The following USP9X variants were observed in gnomAD, a reference collection of about 807,000 sequenced individuals.
The protein encoded by USP9X is ubiquitin specific peptidase 9 X-linked.
Under a neutral mutation model 190.3 loss-of-function variants are expected in USP9X, and 7 were observed. The observed-to-expected ratio is 0.04, with a 90% CI of 0.02 to 0.07. USP9X has a LOEUF of 0.07. Ranked by LOEUF, USP9X falls within the 10% of genes least tolerant of loss-of-function variation. USP9X has a pLI of 1.00. For synonymous variants in USP9X, 645 were observed against 659.5 expected, an observed-to-expected ratio of 0.98 and a Z score of 0.34; for missense variants, 1,010 against 1,916.9, an observed-to-expected ratio of 0.53 and a Z score of 8.83.
chrX:41,205,641 T>C (rs1470720459), intron 32 of USP9X, 148 bp downstream of exon 32: 1 of 511,559 alleles, frequency 2.0e-6, no homozygotes. Flanking sequence ...GGGTTTTTTT[T>C]TTTTTTTTTA....
chrX:41,148,249 T>C lies in USP9X; in HGVS notation c.1420-120T>C, dbSNP rs192454257. ...GCTAACTATATTTTCAGATCTCACTTGAATCATTCTGTGCTTAGCTACGTT... is the reference window on the plus strand; with the variant it reads ...GCTAACTATATTTTCAGATCTCACTCGAATCATTCTGTGCTTAGCTACGTT... On this transcript the variant is annotated intron_variant, in intron 11 of 44. Coordinates refer to ENST00000378308, the MANE Select transcript of USP9X (RefSeq NM_001039591.3). 6.1e-4 allele frequency: 432 copies of C among 711,072 alleles called. No individual in the cohort carries two copies. In the African/African-American group the frequency reaches 8.0e-3, roughly 13 times the overall value. The allele number at this position is 711,072 out of a possible 1,213,427, so 58.6% of individuals were successfully genotyped here.
intron 13 of USP9X, among the ~76,000 whole-genome samples, chrX:41,152,245 C>T (rs912242943): frequency 9.0e-6 from 1 of 111,633 alleles, no homozygotes; most frequent in Non-Finnish European, 1.9e-5. Flanking sequence ...ATTTGAGGAG[C>T]ATATTTTGAG....
intron 6 of USP9X, among the ~76,000 whole-genome samples, chrX:41,137,360 C>T (rs2062384156): frequency 9.0e-6 from 1 of 111,179 alleles, no homozygotes; most frequent in African/African-American, 3.3e-5. Context: ...TTTAGGCATT[C>T]TAAGATTTTG....
chrX:41,171,072 A>G, intron 20 of USP9X, among the ~76,000 whole-genome samples: 1 of 112,044 alleles, frequency 8.9e-6, no homozygotes, highest in Non-Finnish European at 1.9e-5. Flanking sequence ...GATTGGGAAA[A>G]AAGTCTGCAT....
At chrX:41,205,883 T>C (rs1048663221) in intron 32 of USP9X, among the ~76,000 whole-genome samples, 1 of 99,283 alleles carries the variant, frequency 1.0e-5, no homozygotes, top group Admixed American at 1.2e-4. Flanking sequence ...TTCTTTTTCT[T>C]TTTCTTTTTT....
intron 21 of USP9X, among the ~76,000 whole-genome samples, chrX:41,183,500 T>G (rs748028778): frequency 8.9e-6 from 1 of 111,887 alleles, no homozygotes; most frequent in South Asian, 3.7e-4. Context: ...CTCTGCTTGC[T>G]TTGAGGTGAA....
chrX:41,127,708 A>C (rs1337381699), intron 2 of USP9X, among the ~76,000 whole-genome samples: 1 of 112,199 alleles, frequency 8.9e-6, no homozygotes, highest in Non-Finnish European at 1.9e-5. Context: ...TGACCATATG[A>C]GTTCATGTAT....
At chrX:41,088,150 A>AT (rs1309431856) in intron 1 of USP9X, among the ~76,000 whole-genome samples, 3 of 111,345 alleles carry the variant, frequency 2.7e-5, no homozygotes, top group African/African-American at 9.8e-5. Context: ...CGCCCGGCTA[A>AT]TTTTTTGTAT....
intron 4 of USP9X, among the ~76,000 whole-genome samples, chrX:41,133,761 T>A (rs1486816925): frequency 8.9e-6 from 1 of 112,138 alleles, no homozygotes; most frequent in Non-Finnish European, 1.9e-5. Context: ...TTGTTGGAAA[T>A]GACAGGATCT....
At chrX:41,153,619 TC>T (rs1569171127) in intron 14 of USP9X, among the ~76,000 whole-genome samples, 1 of 112,120 alleles carries the variant, frequency 8.9e-6, no homozygotes, top group African/African-American at 3.2e-5. Context: ...TTTCAACAGA[TC>T]CTGATTGTAA....
chrX:41,168,603 C>A (rs1480936962), intron 18 of USP9X, among the ~76,000 whole-genome samples: 1 of 112,424 alleles, frequency 8.9e-6, no homozygotes, highest in African/African-American at 3.2e-5. Context: ...AGCGACCTTT[C>A]CACCTCAGCC....
intron 34 of USP9X, among the ~76,000 whole-genome samples, chrX:41,214,941 A>G (rs766470409): frequency 7.7e-4 from 87 of 112,354 alleles, no homozygotes; most frequent in Non-Finnish European, 8.8e-4. Flanking sequence ...ATAAGAGTGA[A>G]TAATTTTAAA....
intron 1 of USP9X, among the ~76,000 whole-genome samples, chrX:41,094,944 G>A (rs1021709890): frequency 3.6e-5 from 4 of 109,676 alleles, no homozygotes; most frequent in Non-Finnish European, 7.6e-5. Context: ...GGAGGCTGAG[G>A]CTGGAGAATC....
At chrX:41,128,853 GT>G (rs2062281010) in intron 2 of USP9X, 146 bp from the exon 3 acceptor site, 4 of 597,994 alleles carry the variant, frequency 6.7e-6, no homozygotes, top group Non-Finnish European at 1.0e-5. Context: ...AAGGTTGTTG[GT>G]TGACTTTGCA....
intron 11 of USP9X, among the ~76,000 whole-genome samples, chrX:41,146,854 T>C (rs112672474): frequency 0.19 from 20,808 of 108,860 alleles, 1,579 homozygotes; most frequent in Admixed American, 0.26. Context: ...ACTGGTTGAA[T>C]AGATGTTCTT....
intron 33 of USP9X, among the ~76,000 whole-genome samples, chrX:41,213,376 T>C (rs1379625985): frequency 3.6e-5 from 4 of 112,194 alleles, no homozygotes; most frequent in Non-Finnish European, 7.5e-5. Flanking sequence ...ACAGTATTCA[T>C]TGAATTACAT....
At chrX:41,225,356 A>G (rs899649483) in intron 41 of USP9X, among the ~76,000 whole-genome samples, 1 of 111,945 alleles carries the variant, frequency 8.9e-6, no homozygotes, top group African/African-American at 3.2e-5. Flanking sequence ...ATACTTAATA[A>G]GCCTGTTTCT....
intron 1 of USP9X, among the ~76,000 whole-genome samples, chrX:41,093,942 AAGG>A (rs1183367829): frequency 8.9e-6 from 1 of 111,982 alleles, no homozygotes; most frequent in East Asian, 2.8e-4. Context: ...GGGAATGTGA[AAGG>A]AGGATACTGG....
At position 41,156,484 on chromosome X, in the gene USP9X, C is replaced by T. The variant is rs1399773870; in HGVS notation, c.1897+3403C>T. Among the ~76,000 whole-genome samples the T allele has an allele frequency of 2.7e-5, 3 of 112,001 alleles. No homozygotes were observed. The Admixed American group carries it at 2.8e-4, about 11-fold the overall frequency. On this transcript the variant is annotated intron_variant, in intron 14 of 44. Coordinates refer to ENST00000378308, the MANE Select transcript of USP9X (RefSeq NM_001039591.3). The stretch of plus-strand genomic sequence containing the variant: ...TGAGACTCCCTTACCCCATTCAGTG[C>T]CTGCTTGTAGGATAAATGCTTTACT...
Sources: allele counts gnomAD v4.1 joint callset (sites outside exome capture counted in the v4.1 genomes callset), GRCh38; gene constraint gnomAD v4.1.1; transcripts MANE v1.5; gene names NCBI Gene and HGNC (gene_info 2026-07-23, HGNC 2026-07-21).